SPATS2: variants seen among roughly 807,000 people sequenced by gnomAD.
SPATS2 encodes spermatogenesis associated serine rich 2.
SPATS2 carries 38 observed loss-of-function variants against 63.7 expected under a neutral mutation model. The observed-to-expected ratio is 0.60, with a 90% confidence interval of 0.46 to 0.78. The LOEUF (loss-of-function observed/expected upper bound fraction) is 0.78. SPATS2 is among the 30% of genes least tolerant of loss of function. The pLI is 0.00. For missense variants in SPATS2, 588 were observed against 666.2 expected (o/e 0.88, Z 1.29); for synonymous variants, 207 against 232.9 (o/e 0.89, Z 1.01).
intron 9 of SPATS2, among the ~76,000 whole-genome samples, chr12:49,508,432 T>G (rs1302939367): frequency 6.6e-6 from 1 of 152,116 alleles, no homozygotes; most frequent in East Asian, 1.9e-4. Flanking sequence ...GGTCGCAAAC[T>G]CCTGACCTCA....
At chr12:49,372,379 T>C (rs927791265) in intron 2 of SPATS2, among the ~76,000 whole-genome samples, 1 of 152,230 alleles carries the variant, frequency 6.6e-6, no homozygotes, top group African/African-American at 2.4e-5. Flanking sequence ...GATTTTGTCA[T>C]ATGCTACCTG....
chr12:49,396,245 G>C (rs956687678), intron 2 of SPATS2, among the ~76,000 whole-genome samples: 2 of 152,136 alleles, frequency 1.3e-5, no homozygotes, highest in Non-Finnish European at 2.9e-5. Flanking sequence ...CAGTTCTTTT[G>C]GATAAATATC....
At chr12:49,496,744 A>G (rs1946470317) in intron 7 of SPATS2, 89 bp from the exon 8 acceptor site, 2 of 1,394,490 alleles carry the variant, frequency 1.4e-6, no homozygotes, top group Admixed American at 2.1e-5. Flanking sequence ...TTTTGCCTCA[A>G]ACATTTTTAC....
chr12:49,512,553 G>GA (rs549736279), intron 9 of SPATS2, among the ~76,000 whole-genome samples: 13 of 149,344 alleles, frequency 8.7e-5, no homozygotes, highest in East Asian at 1.9e-4. Context: ...TTCTCACAGG[G>GA]AAAAAAAAAT....
At chr12:49,435,072 C>G (rs1441537324) in intron 2 of SPATS2, among the ~76,000 whole-genome samples, 2 of 145,192 alleles carry the variant, frequency 1.4e-5, no homozygotes, top group Non-Finnish European at 3.0e-5. Context: ...TGTCTGTCGC[C>G]CAGGTTGGAG....
At chr12:49,408,970 G>T (rs1312711901) in intron 2 of SPATS2, among the ~76,000 whole-genome samples, 1 of 152,190 alleles carries the variant, frequency 6.6e-6, no homozygotes, top group Non-Finnish European at 1.5e-5. Flanking sequence ...TGCATCCTGT[G>T]AAAATCATGA....
In SPATS2 at chr12:49,521,040, T is replaced by C. The variant is rs561750734; in HGVS notation, c.1009-1711T>C. Among the ~76,000 whole-genome samples, 23 of 152,260 alleles carry C rather than the reference T, an allele frequency of 1.5e-4. 1 individual carries two copies. In the Middle Eastern group the frequency reaches 0.014, roughly 90 times the overall value. On this transcript the variant is annotated intron_variant, in intron 11 of 13. Transcript: ENST00000552918. ...GGCCAAATTCTTATATAAAGAACAGTGTTTCTGAGACTAAGCATGTGAACC... is the reference window on the plus strand; with the variant it reads ...GGCCAAATTCTTATATAAAGAACAGCGTTTCTGAGACTAAGCATGTGAACC...
chr12:49,444,268 G>A (rs937063610), intron 2 of SPATS2, among the ~76,000 whole-genome samples: 1 of 151,146 alleles, frequency 6.6e-6, no homozygotes, highest in African/African-American at 2.4e-5. Context: ...GGCTGGTGCA[G>A]TGGCATGATC....
intron 2 of SPATS2, among the ~76,000 whole-genome samples, chr12:49,452,745 G>T (rs35601780): frequency 2.7e-5 from 4 of 150,560 alleles, no homozygotes; most frequent in African/African-American, 9.8e-5. Flanking sequence ...TTTATATCAT[G>T]GTTCTCTTTA....
chr12:49,524,279 T>C (rs1946994282), intron 12 of SPATS2, among the ~76,000 whole-genome samples: 1 of 152,246 alleles, frequency 6.6e-6, no homozygotes, highest in Non-Finnish European at 1.5e-5. Flanking sequence ...CCTTTTTCTT[T>C]CTTTGCAAAG....
At chr12:49,497,489 G>T (rs1214993475) in intron 8 of SPATS2, among the ~76,000 whole-genome samples, 1 of 151,494 alleles carries the variant, frequency 6.6e-6, no homozygotes, top group South Asian at 2.1e-4. Flanking sequence ...CCGCCTCCCG[G>T]GTTCATGCCA....
intron 3 of SPATS2, among the ~76,000 whole-genome samples, chr12:49,479,180 C>T (rs1389495546): frequency 2.0e-5 from 3 of 152,164 alleles, no homozygotes; most frequent in Admixed American, 1.3e-4. Flanking sequence ...CCAGTTGGTC[C>T]GTGGGTGGCC....
intron 8 of SPATS2, among the ~76,000 whole-genome samples, chr12:49,498,145 A>AAAAAAT (rs66900382): frequency 8.2e-4 from 81 of 98,956 alleles, no homozygotes; most frequent in Non-Finnish European, 1.2e-3. Flanking sequence ...AAAAAAAAAA[A>AAAAAAT]ATATATATAT....
intron 1 of SPATS2, among the ~76,000 whole-genome samples, chr12:49,370,702 C>T (rs1485426224): frequency 6.6e-6 from 1 of 152,022 alleles, no homozygotes; most frequent in Admixed American, 6.6e-5. Context: ...CCCAGTCTGG[C>T]CTCAAACTCC....
In SPATS2 at chr12:49,482,120, A is replaced by G. The variant is rs117488594; in HGVS notation, c.26-2470A>G. Among the ~76,000 whole-genome samples the G allele has an allele frequency of 4.7e-3, 716 of 152,378 alleles. 2 individuals carry two copies. Among genetic ancestry groups the G allele is most frequent in the Non-Finnish European group, 7.6e-3 (520 of 68,038 alleles). On this transcript the variant is annotated intron_variant, in intron 3 of 13. Transcript: ENST00000552918. ...GTTGGTTTAAGTTTAAAAAGGCAGT[A>G]TCAGCTAGTGAGTAGACAAATTAAG...
chr12:49,513,035 C>G (rs1025057564), intron 9 of SPATS2: 17 of 633,332 alleles, frequency 2.7e-5, no homozygotes, highest in Middle Eastern at 8.2e-4. Context: ...TAACATCATG[C>G]GTAACGATTA....
intron 2 of SPATS2, among the ~76,000 whole-genome samples, chr12:49,438,600 C>G (rs141129541): frequency 6.6e-6 from 1 of 152,208 alleles, no homozygotes; most frequent in East Asian, 1.9e-4. Context: ...TTGGTATTGT[C>G]TATTTTTAAA....
chr12:49,509,273 CTT>C (rs1186617900), intron 9 of SPATS2, among the ~76,000 whole-genome samples: 24 of 77,802 alleles, frequency 3.1e-4, no homozygotes, highest in African/African-American at 1.2e-3. Flanking sequence ...GTTCTAACTT[CTT>C]TTTTTTTTTT....
rs7133133 is a variant in SPATS2, at chr12:49,415,065, G to A, written c.-244+43775G>A. ...AGTGATTCTCCTGCCTTAGCCTCCCGAGTAGAGGCACGTGCCACCACGCCC... is the reference window on the plus strand; with the variant it reads ...AGTGATTCTCCTGCCTTAGCCTCCCAAGTAGAGGCACGTGCCACCACGCCC... On this transcript the variant is annotated intron_variant, in intron 2 of 13. Coordinates refer to ENST00000552918, the MANE Select transcript of SPATS2 (RefSeq NM_023071.4). Among the ~76,000 whole-genome samples the A allele has an allele frequency of 3.1e-3, 472 of 150,364 alleles. 8 individuals are homozygous for A. The highest frequency in any genetic ancestry group is 0.011 in the African/African-American group (445 of 40,764).
Sources: gnomAD v4.1 joint callset for allele counts (sites outside exome capture counted in the v4.1 genomes callset) on GRCh38, gnomAD v4.1.1 for gene constraint, MANE v1.5 for transcripts, NCBI Gene and HGNC (gene_info 2026-07-23, HGNC 2026-07-21) for gene names.